The following HMCN1 variants were observed in gnomAD, a reference collection of about 807,000 sequenced individuals.
HMCN1 encodes hemicentin-1.
A neutral mutation model predicts 625.9 loss-of-function variants in HMCN1; 321 were observed. That is an observed-to-expected ratio of 0.51 (90% CI 0.47 to 0.56). The LOEUF (loss-of-function observed/expected upper bound fraction) is 0.56. Ranked by LOEUF, HMCN1 falls within the 20% of genes least tolerant of loss-of-function variation. The pLI is 0.00. For missense variants in HMCN1, 6,588 were observed against 6,887.3 expected (o/e 0.96, Z 1.54); for synonymous variants, 2,425 against 2,417.6 (o/e 1.00, Z -0.09).
At chr1:186,155,590 T>C (rs758553131) in intron 97 of HMCN1, among the ~76,000 whole-genome samples, 10 of 152,232 alleles carry the variant, frequency 6.6e-5, no homozygotes, top group African/African-American at 9.6e-5. Flanking sequence ...CCTAATCGTG[T>C]ACATTTTCCA....
chr1:186,119,712 A>G, intron 78 of HMCN1, 33 bp from the exon 79 acceptor site: 1 of 1,610,236 alleles, frequency 6.2e-7, no homozygotes, highest in East Asian at 2.2e-5. Context: ...AACTAGTGCT[A>G]TTACTTCTTT....
intron 43 of HMCN1, 104 bp downstream of exon 43, chr1:186,053,178 T>G: frequency 9.1e-7 from 1 of 1,104,344 alleles, no homozygotes; most frequent in Non-Finnish European, 1.4e-6. Flanking sequence ...TCCTGGGGTT[T>G]GCATACTAAA....
intron 15 of HMCN1, among the ~76,000 whole-genome samples, chr1:185,974,058 A>G (rs1651025490): frequency 6.6e-6 from 1 of 152,180 alleles, no homozygotes; most frequent in Non-Finnish European, 1.5e-5. Flanking sequence ...TGTGATTTTT[A>G]TATTTGCAGA....
intron 73 of HMCN1, 87 bp from the exon 74 acceptor site, chr1:186,114,732 A>G: frequency 6.8e-7 from 1 of 1,469,282 alleles, no homozygotes; most frequent in Non-Finnish European, 9.5e-7. Flanking sequence ...AATGGATTTC[A>G]CCAAGTGTTT....
At chr1:185,766,108 G>A (rs1157923180) in intron 1 of HMCN1, among the ~76,000 whole-genome samples, 3 of 152,036 alleles carry the variant, frequency 2.0e-5, no homozygotes, top group East Asian at 1.9e-4. Flanking sequence ...GAATATGTTC[G>A]CTTTAATGAA....
At chr1:186,016,919 G>A (rs1273118570) in intron 32 of HMCN1, 44 bp from the exon 33 acceptor site, 1 of 1,056,292 alleles carries the variant, frequency 9.5e-7, no homozygotes, top group Non-Finnish European at 1.5e-6. Context: ...TGTGTTTTTT[G>A]TTGTATACAT....
At chr1:185,932,981 T>G (rs931337098) in intron 10 of HMCN1, among the ~76,000 whole-genome samples, 3 of 152,198 alleles carry the variant, frequency 2.0e-5, no homozygotes, top group Non-Finnish European at 4.4e-5. Context: ...TATATGGCTC[T>G]ATGTGTACAA....
chr1:185,965,411 T>A (rs1047585186), intron 13 of HMCN1, among the ~76,000 whole-genome samples: 5 of 152,076 alleles, frequency 3.3e-5, no homozygotes, highest in Non-Finnish European at 5.9e-5. Flanking sequence ...TATCCCTCTT[T>A]TGACTATATT....
intron 11 of HMCN1, among the ~76,000 whole-genome samples, chr1:185,954,985 C>G (rs1485215016): frequency 6.6e-6 from 1 of 151,872 alleles, no homozygotes; most frequent in Non-Finnish European, 1.5e-5. Context: ...TGGAACTATC[C>G]CCCAGGTAAT....
intron 4 of HMCN1, among the ~76,000 whole-genome samples, chr1:185,875,607 A>C (rs1297999235): frequency 6.6e-6 from 1 of 152,008 alleles, no homozygotes; most frequent in African/African-American, 2.4e-5. Flanking sequence ...ATTTGACACT[A>C]TGGATCATTT....
chr1:186,070,712 G>A lies in HMCN1; in HGVS notation c.8094G>A (p.Ala2698=), dbSNP rs143866315. 7.6e-4 allele frequency: 1,220 copies of A among 1,613,850 alleles called. 6 individuals are homozygous for A. The African/African-American group carries it at 0.013, about 18-fold the overall frequency. The change falls in exon 52 of 107, where the codon GCG becomes GCA. Residue 2698 remains alanine (A), a synonymous_variant. Transcript: ENST00000271588. ...ACACTCTGACCTTGGAATGTGAAGC[G>A]TATGCAATTCCTTCTGCCTCCCTCA... ...VNNTLTLECE[A]YAIPSASLSW...
At chr1:186,002,389 A>G (rs1265237779) in intron 28 of HMCN1, among the ~76,000 whole-genome samples, 5 of 152,086 alleles carry the variant, frequency 3.3e-5, no homozygotes, top group Admixed American at 3.3e-4. Flanking sequence ...ATGGGCACAT[A>G]ATTTGTAAGT....
rs1449129128 is a variant in HMCN1 at position 186,115,407 on chromosome 1, T to C, written c.11554T>C (p.Ser3852Pro). ...TCTTAATGTGGATCAAAATCAGAAC[T>C]CATACAGGTAAGGATAATTTAAAAC... ...HLLNVDQNQNSYRLLSSGSLV... is the reference protein window; with the variant it reads ...HLLNVDQNQNPYRLLSSGSLV... Residue 3852 changes from serine (S) to proline (P), a missense_variant, in exon 75 of 107, where the codon TCA (serine) becomes CCA (proline). Physicochemically the swap from Ser to Pro is moderately conservative, Grantham distance 74. Coordinates refer to ENST00000271588, the MANE Select transcript of HMCN1 (RefSeq NM_031935.3). The C allele has an allele frequency of 1.2e-6, 2 of 1,612,822 alleles. No individual in the cohort carries two copies. The highest frequency in any genetic ancestry group is 2.7e-5 in the African/African-American group (2 of 74,886).
At chr1:185,981,675 A>G (rs1651647613) in intron 17 of HMCN1, among the ~76,000 whole-genome samples, 1 of 152,158 alleles carries the variant, frequency 6.6e-6, no homozygotes, top group Middle Eastern at 3.2e-3. Flanking sequence ...TTTTTAAAAT[A>G]TGTCTTCATT....
chr1:185,887,807 C>A (rs1664767632), intron 4 of HMCN1, among the ~76,000 whole-genome samples: 1 of 138,896 alleles, frequency 7.2e-6, no homozygotes. Context: ...ATTTATAGTC[C>A]TTTGGGTATA....
At chr1:186,029,539 G>GTT (rs34307509) in intron 36 of HMCN1, among the ~76,000 whole-genome samples, 2,782 of 147,866 alleles carry the variant, frequency 0.019, 27 homozygotes, top group Non-Finnish European at 0.03. Flanking sequence ...TTCTCCTAAA[G>GTT]TTTTTTTTTT....
intron 43 of HMCN1, 122 bp downstream of exon 43, chr1:186,053,196 C>T: frequency 1.0e-5 from 9 of 862,924 alleles, no homozygotes; most frequent in Non-Finnish European, 1.5e-5. Context: ...AAATGCTAGA[C>T]AGCAAAATTG....
chr1:185,760,766 T>C (rs946433401), intron 1 of HMCN1, among the ~76,000 whole-genome samples: 2 of 152,150 alleles, frequency 1.3e-5, no homozygotes, highest in Non-Finnish European at 2.9e-5. Flanking sequence ...TGTTGAACAA[T>C]TAGTATGCAT....
intron 45 of HMCN1, 117 bp downstream of exon 45, chr1:186,055,791 C>A: frequency 1.0e-6 from 1 of 997,986 alleles, no homozygotes; most frequent in Non-Finnish European, 1.6e-6. Context: ...TCATTTTAAA[C>A]ATATATACCT....
Sources: gnomAD v4.1 joint callset for allele counts (sites outside exome capture counted in the v4.1 genomes callset) on GRCh38, gnomAD v4.1.1 for gene constraint, MANE v1.5 for transcripts, NCBI Gene and HGNC (gene_info 2026-07-23, HGNC 2026-07-21) for gene names.